ROBO2: variants seen among roughly 807,000 people sequenced by gnomAD.
ROBO2 encodes the protein roundabout guidance receptor 2, also known as roundabout homolog 2.
ROBO2 carries 53 observed loss-of-function variants against 160.8 expected under a neutral mutation model. The ratio of observed to expected loss-of-function variants is 0.33; its 90% CI spans 0.26 to 0.41. The LOEUF is 0.41. Ranked by LOEUF, ROBO2 falls within the 10% of genes least tolerant of loss-of-function variation. ROBO2 has a pLI of 1.00. For missense variants in ROBO2, 1,577 were observed against 1,722.4 expected, an observed-to-expected ratio of 0.92 and a Z score of 1.49; for synonymous variants, 664 against 611.7, an observed-to-expected ratio of 1.09 and a Z score of -1.26.
chr3:77,226,484 C>T (rs753218968), intron 2 of ROBO2, among the ~76,000 whole-genome samples: 6 of 151,906 alleles, frequency 3.9e-5, no homozygotes, highest in Non-Finnish European at 7.4e-5. Flanking sequence ...GATTTTGGTG[C>T]CCATGCTAAA....
At chr3:76,245,203 C>G (rs528406730) in intron 2 of ROBO2, among the ~76,000 whole-genome samples, 8 of 152,270 alleles carry the variant, frequency 5.3e-5, no homozygotes, top group African/African-American at 1.9e-4. Flanking sequence ...TGAAAAATAT[C>G]AATATTGACA....
intron 2 of ROBO2, among the ~76,000 whole-genome samples, chr3:76,130,290 A>T (rs1576981802): frequency 6.6e-6 from 1 of 152,118 alleles, no homozygotes; most frequent in East Asian, 1.9e-4. Context: ...AGTTTGGGAT[A>T]TTTTTTGCAG....
chr3:76,665,467 T>C (rs184196759), intron 2 of ROBO2, among the ~76,000 whole-genome samples: 1 of 152,054 alleles, frequency 6.6e-6, no homozygotes, highest in Non-Finnish European at 1.5e-5. Context: ...TTCTTGTCAA[T>C]GCACTAAGCT....
At chr3:77,347,003 C>A (rs2067727872) in intron 2 of ROBO2, among the ~76,000 whole-genome samples, 1 of 152,094 alleles carries the variant, frequency 6.6e-6, no homozygotes, top group South Asian at 2.1e-4. Flanking sequence ...AGTCCCTTCA[C>A]AGTAGTACCT....
At chr3:76,259,015 C>T (rs889899808) in intron 2 of ROBO2, among the ~76,000 whole-genome samples, 1 of 152,046 alleles carries the variant, frequency 6.6e-6, no homozygotes, top group South Asian at 2.1e-4. Flanking sequence ...TCATTTCAGA[C>T]ACATTTATTT....
intron 2 of ROBO2, among the ~76,000 whole-genome samples, chr3:76,893,197 GC>G (rs1164792108): frequency 6.6e-6 from 1 of 151,568 alleles, no homozygotes; most frequent in Non-Finnish European, 1.5e-5. Flanking sequence ...TCCCCTTTGG[GC>G]CAGACACACA....
intron 2 of ROBO2, among the ~76,000 whole-genome samples, chr3:76,217,167 T>C (rs6549846): frequency 0.57 from 85,920 of 151,968 alleles, 24,525 homozygotes; most frequent in African/African-American, 0.63. Flanking sequence ...CAAAGCAGTG[T>C]GTAGATGGAA....
At chr3:76,402,780 T>C (rs891057209) in intron 2 of ROBO2, among the ~76,000 whole-genome samples, 4 of 151,618 alleles carry the variant, frequency 2.6e-5, no homozygotes, top group Non-Finnish European at 5.9e-5. Flanking sequence ...TTCCTCTCAA[T>C]TTGAATTTCT....
chr3:76,528,013 G>T (rs901951437), intron 2 of ROBO2, among the ~76,000 whole-genome samples: 12 of 151,992 alleles, frequency 7.9e-5, no homozygotes, highest in African/African-American at 2.9e-4. Flanking sequence ...GGGGTGTGGG[G>T]TGCAGAATGT....
At chr3:76,451,032 C>A (rs1287704329) in intron 2 of ROBO2, among the ~76,000 whole-genome samples, 1 of 152,112 alleles carries the variant, frequency 6.6e-6, no homozygotes, top group African/African-American at 2.4e-5. Flanking sequence ...GGAGGCTGTT[C>A]TCCACATTGC....
chr3:76,028,635 A>C (rs960443780), intron 2 of ROBO2, among the ~76,000 whole-genome samples: 6 of 151,928 alleles, frequency 3.9e-5, no homozygotes, highest in Non-Finnish European at 8.8e-5. Flanking sequence ...ATTAAGAAAA[A>C]AATGTTTAAC....
At chr3:77,547,594 G>T (rs2092747311) in intron 7 of ROBO2, among the ~76,000 whole-genome samples, 1 of 152,094 alleles carries the variant, frequency 6.6e-6, no homozygotes, top group South Asian at 2.1e-4. Flanking sequence ...ATGTCTAATT[G>T]TTGTGGGTTT....
chr3:77,368,918 A>C (rs895297219), intron 2 of ROBO2, among the ~76,000 whole-genome samples: 2 of 152,216 alleles, frequency 1.3e-5, no homozygotes, highest in Non-Finnish European at 2.9e-5. Flanking sequence ...ACACCCATAA[A>C]GTCACCTTAC....
chr3:77,226,416 C>CT (rs1181705133), intron 2 of ROBO2, among the ~76,000 whole-genome samples: 1 of 151,854 alleles, frequency 6.6e-6, no homozygotes, highest in Non-Finnish European at 1.5e-5. Context: ...TTTTCTTCCC[C>CT]TTTTTTCTGC....
chr3:77,534,004 A>G (rs1189248978), intron 6 of ROBO2, among the ~76,000 whole-genome samples: 2 of 151,846 alleles, frequency 1.3e-5, no homozygotes, highest in Non-Finnish European at 2.9e-5. Flanking sequence ...CATTTTTCCC[A>G]TAAAAGGATC....
chr3:76,593,739 C>T (rs1327213617), intron 2 of ROBO2, among the ~76,000 whole-genome samples: 4 of 151,858 alleles, frequency 2.6e-5, no homozygotes, highest in Non-Finnish European at 5.9e-5. Context: ...AATTTAAAAG[C>T]AGAGTTGAGT....
intron 2 of ROBO2, among the ~76,000 whole-genome samples, chr3:77,334,932 T>G (rs1490216747): frequency 2.6e-5 from 4 of 152,138 alleles, no homozygotes; most frequent in Non-Finnish European, 5.9e-5. Context: ...ATTTGACATT[T>G]TTAAGTCTAT....
chr3:76,762,309 G>C (rs544915095), intron 2 of ROBO2, among the ~76,000 whole-genome samples: 2 of 151,586 alleles, frequency 1.3e-5, no homozygotes, highest in African/African-American at 4.8e-5. Context: ...AAAGATTTTT[G>C]ATTTGTCAAG....
Position 76,404,413 on chromosome 3 carries a change from C to T in ROBO2, c.109+466811C>T, listed in dbSNP as rs1335337451. The stretch of plus-strand genomic sequence containing the variant: ...TAAAGCAGTTAATTTGGAAGAAATA[C>T]AAGTAGAGAAAATAAAATGATTATT... On this transcript the variant is annotated intron_variant, in intron 2 of 26. Coordinates refer to the ROBO2 transcript ENST00000487694. Among the ~76,000 whole-genome samples, 3 of 151,426 alleles carry T rather than the reference C, an allele frequency of 2.0e-5. No individual in the cohort carries two copies. The East Asian group carries it at 5.8e-4, about 29-fold the overall frequency.
Sources: gnomAD v4.1 joint callset for allele counts (sites outside exome capture counted in the v4.1 genomes callset) on GRCh38, gnomAD v4.1.1 for gene constraint, MANE v1.5 for transcripts, NCBI Gene and HGNC (gene_info 2026-07-23, HGNC 2026-07-21) for gene names.